IQCH: variants seen among roughly 807,000 people sequenced by gnomAD.
IQCH encodes the protein IQ domain-containing protein H.
A neutral mutation model predicts 117.0 loss-of-function variants in IQCH; 98 were observed. That is an observed-to-expected ratio of 0.84 (90% CI 0.71 to 0.99). The LOEUF is 0.99. Ranked by LOEUF, IQCH falls within the 50% of genes least tolerant of loss-of-function variation. The pLI is 0.00. For synonymous variants in IQCH, 412 were observed against 448.2 expected (o/e 0.92, Z 1.02); for missense variants, 1,102 against 1,243.8 (o/e 0.89, Z 1.72).
intron 8 of IQCH, chr15:67,371,482 C>T (rs1970529842): frequency 1.3e-6 from 2 of 1,583,416 alleles, no homozygotes; most frequent in Non-Finnish European, 1.7e-6. Context: ...AAGAAGAAAC[C>T]AGACTTAAGA....
chr15:67,320,219 A>G (rs1170482735), intron 4 of IQCH, among the ~76,000 whole-genome samples: 2 of 152,268 alleles, frequency 1.3e-5, no homozygotes, highest in Non-Finnish European at 2.9e-5. Context: ...GATGAGGTAA[A>G]TGAGGACCAA....
At chr15:67,256,912 A>G (rs1208822805) in intron 1 of IQCH, among the ~76,000 whole-genome samples, 1 of 152,246 alleles carries the variant, frequency 6.6e-6, no homozygotes, top group Non-Finnish European at 1.5e-5. Context: ...TACATGTAGA[A>G]TATGTATAGT....
At chr15:67,484,753 T>TAATAA (rs1181812654) in intron 18 of IQCH, among the ~76,000 whole-genome samples, 1 of 151,116 alleles carries the variant, frequency 6.6e-6, no homozygotes, top group Non-Finnish European at 1.5e-5. Context: ...AAAAAAAAAT[T>TAATAA]AATAAAATAA....
At chr15:67,333,859 C>G (rs1968776985) in intron 4 of IQCH, among the ~76,000 whole-genome samples, 1 of 152,074 alleles carries the variant, frequency 6.6e-6, no homozygotes, top group Non-Finnish European at 1.5e-5. Context: ...GAGTTCAAGA[C>G]TAGCCTGGGC....
In IQCH at chr15:67,406,757, A is replaced by C. The variant is rs1240228218; in HGVS notation, c.2097+6452A>C. On this transcript the variant is annotated intron_variant, in intron 14 of 20. Transcript: ENST00000335894. This position sits in a 1 kb window ranked among gnomAD's most constrained non-coding sequence, Gnocchi z 4.5. ...TGCTCCCTGGGGGATAACTATAGGC[A>C]AATTACTTCAGCTCTCCAAGTCTCC... The C allele has an allele frequency of 6.6e-6, 1 of 152,172 alleles. No homozygotes were observed. Among genetic ancestry groups the C allele is most frequent in the East Asian group, 1.9e-4 (1 of 5,198 alleles). The allele number at this position is 152,172 out of a possible 1,614,324, so 9.4% of individuals were successfully genotyped here. A position where few individuals can be genotyped will look rare whatever the true frequency, so the allele number is the denominator to read the frequency against.
chr15:67,261,200 T>C (rs1355398054), intron 1 of IQCH, 72 bp from the exon 2 acceptor site: 7 of 1,124,534 alleles, frequency 6.2e-6, no homozygotes, highest in Non-Finnish European at 3.7e-6. Flanking sequence ...TTGCAAACCT[T>C]TAAGATAAAT....
chr15:67,363,541 C>T (rs1390004294), intron 8 of IQCH, among the ~76,000 whole-genome samples: 1 of 152,094 alleles, frequency 6.6e-6, no homozygotes, highest in African/African-American at 2.4e-5. Context: ...CCACCATTCC[C>T]AGCCTAATTT....
At chr15:67,343,978 A>G in intron 5 of IQCH, 85 bp from the exon 6 acceptor site, 1 of 1,192,390 alleles carries the variant, frequency 8.4e-7, no homozygotes. Flanking sequence ...TGAATGGAGT[A>G]AGTTACACTT....
Position 67,279,232 on chromosome 15 carries a change from T to TA in IQCH, c.270-162dup, listed in dbSNP as rs746675012. On this transcript the variant is annotated intron_variant, in intron 3 of 20. Coordinates refer to ENST00000335894, the MANE Select transcript of IQCH (RefSeq NM_001031715.3). ...ATGCTTAATAAAACAACTGCAGTTTTACAGTGGCAAAAATAATAAAGATTG... is the reference window on the plus strand; with the variant it reads ...ATGCTTAATAAAACAACTGCAGTTTTAACAGTGGCAAAAATAATAAAGATTG... 1.2e-4 allele frequency among the ~76,000 whole-genome samples: 18 copies of TA among 152,348 alleles called. 2 individuals are homozygous for TA. The highest frequency in any genetic ancestry group is 3.8e-4 in the East Asian group (2 of 5,196).
At chr15:67,499,228 G>C (rs1355054526) in intron 20 of IQCH, among the ~76,000 whole-genome samples, 2 of 130,406 alleles carry the variant, frequency 1.5e-5, no homozygotes, top group Non-Finnish European at 3.1e-5. Flanking sequence ...GAGCCCAGAA[G>C]GTCAAAGCTG....
At chr15:67,400,511 G>A (rs1208829025) in intron 14 of IQCH, among the ~76,000 whole-genome samples, 4 of 906 alleles carry the variant, frequency 4.4e-3, no homozygotes, top group Non-Finnish European at 0.022. Context: ...TTGAGATGGG[G>A]CCTCACTCTG....
At chr15:67,329,271 C>A (rs1343988541) in intron 4 of IQCH, among the ~76,000 whole-genome samples, 1 of 149,460 alleles carries the variant, frequency 6.7e-6, no homozygotes, top group Non-Finnish European at 1.5e-5. Context: ...TGCACCCCAG[C>A]CTGGGCAACA....
At chr15:67,289,039 G>A (rs562176585) in intron 4 of IQCH, among the ~76,000 whole-genome samples, 41 of 152,148 alleles carry the variant, frequency 2.7e-4, no homozygotes, top group Non-Finnish European at 5.1e-4. Context: ...GGCTTATCTG[G>A]GGGGAACCCA....
chr15:67,472,675 T>C lies in IQCH; in HGVS notation c.2677-3021T>C, dbSNP rs1463278224. Among the ~76,000 whole-genome samples, 1 of 152,192 alleles carries C rather than the reference T, an allele frequency of 6.6e-6. No individual in the cohort carries two copies. The highest frequency in any genetic ancestry group is 1.5e-5 in the Non-Finnish European group (1 of 68,038). The stretch of plus-strand genomic sequence containing the variant: ...TGTTCAAGATCACATACACAGTAAG[T>C]GGCCTTGTCAGGTTCTGAACTTCTT... On this transcript the variant is annotated intron_variant, in intron 17 of 20. Coordinates refer to ENST00000335894, the MANE Select transcript of IQCH (RefSeq NM_001031715.3). The surrounding 1 kb of genome is among the most constrained non-coding windows in gnomAD (Gnocchi z 4.3).
chr15:67,293,491 C>G (rs1485744693), intron 4 of IQCH, among the ~76,000 whole-genome samples: 1 of 152,066 alleles, frequency 6.6e-6, no homozygotes, highest in South Asian at 2.1e-4. Context: ...ATTTGTAATA[C>G]TTAATACCAT....
chr15:67,372,316 AAG>A lies in IQCH; in HGVS notation c.960_961del (p.Gly321GlufsTer2). The A allele has an allele frequency of 6.2e-7, 1 of 1,614,088 alleles. No homozygotes were observed. The highest frequency in any genetic ancestry group is 8.5e-7 in the Non-Finnish European group (1 of 1,179,986). On this transcript the variant is annotated frameshift_variant, in exon 9 of 21. Transcript: ENST00000335894. LOFTEE classifies it high-confidence loss of function. ...TATGCTATACCAGAAGTCAAAATAA[AAG>A]GGAATAATTTGGTGGCCCTCCTTCC...
chr15:67,481,388 C>G lies in IQCH; in HGVS notation c.2799+5570C>G, dbSNP rs2083334379. ...AAGTGCCGAGCAAAGGGGGAACATC[C>G]CCTTATAAAATCATCAGATTGAGTG... is the stretch of plus-strand genomic sequence containing the variant. On this transcript the variant is annotated intron_variant, in intron 18 of 20. Transcript: ENST00000335894. This position sits in a 1 kb window ranked among gnomAD's most constrained non-coding sequence, Gnocchi z 4.1. Among the ~76,000 whole-genome samples, 1 of 152,054 alleles carries G rather than the reference C, an allele frequency of 6.6e-6. No homozygotes were observed. The highest frequency in any genetic ancestry group is 2.4e-5 in the African/African-American group (1 of 41,382).
intron 4 of IQCH, among the ~76,000 whole-genome samples, chr15:67,299,995 T>C (rs1163021446): frequency 6.6e-6 from 1 of 152,168 alleles, no homozygotes; most frequent in Non-Finnish European, 1.5e-5. Flanking sequence ...TTTACTTTAA[T>C]ACGTTATTTC....
At chr15:67,294,386 T>G (rs1271900065) in intron 4 of IQCH, among the ~76,000 whole-genome samples, 1 of 152,210 alleles carries the variant, frequency 6.6e-6, no homozygotes, top group Non-Finnish European at 1.5e-5. Flanking sequence ...CGTTATATCA[T>G]AAGGAATAAG....
Sources: allele counts gnomAD v4.1 joint callset (sites outside exome capture counted in the v4.1 genomes callset), GRCh38; gene constraint gnomAD v4.1.1; non-coding constraint Gnocchi (gnomAD v3.1); transcripts MANE v1.5; gene names NCBI Gene and HGNC (gene_info 2026-07-23, HGNC 2026-07-21).